The following RNF220 variants were observed in gnomAD, a reference collection of about 807,000 sequenced individuals.
The protein encoded by RNF220 is E3 ubiquitin-protein ligase RNF220.
A neutral mutation model predicts 67.1 loss-of-function variants in RNF220; 7 were observed. The observed-to-expected ratio is 0.10, with a 90% confidence interval of 0.06 to 0.20. The LOEUF (loss-of-function observed/expected upper bound fraction) is 0.20. Ranked by LOEUF, RNF220 falls within the 10% of genes least tolerant of loss-of-function variation. RNF220 has a pLI of 1.00. For missense variants in RNF220, 565 were observed against 740.3 expected (o/e 0.76, Z 2.75); for synonymous variants, 270 against 283.2 (o/e 0.95, Z 0.47).
chr1:44,451,989 C>G (rs374401342), intron 2 of RNF220, among the ~76,000 whole-genome samples: 5 of 152,294 alleles, frequency 3.3e-5, no homozygotes, highest in African/African-American at 1.2e-4. Context: ...GGTATTCCTA[C>G]CCCTTAGAAG....
chr1:44,538,365 G>A lies in RNF220; in HGVS notation c.626-75800G>A, dbSNP rs147355609. On this transcript the variant is annotated intron_variant, in intron 2 of 14. Transcript: ENST00000361799. ...TTCTTGAAACGATCCCCTTGATCCT[G>A]TATTTCCCCTTAAGCTACTCTTGTT... is the stretch of plus-strand genomic sequence containing the variant. Among the ~76,000 whole-genome samples the A allele has an allele frequency of 1.7e-3, 258 of 152,158 alleles. 1 individual carries two copies. The highest frequency in any genetic ancestry group is 2.7e-3 in the South Asian group (13 of 4,822).
intron 2 of RNF220, among the ~76,000 whole-genome samples, chr1:44,464,457 G>A (rs766248179): frequency 2.2e-4 from 33 of 151,994 alleles, no homozygotes; most frequent in Non-Finnish European, 3.2e-4. Context: ...CATTATATCC[G>A]CTAACATTCC....
intron 2 of RNF220, among the ~76,000 whole-genome samples, chr1:44,477,834 C>T (rs1655426585): frequency 6.6e-6 from 1 of 152,196 alleles, no homozygotes. Flanking sequence ...AGTCAAGAAG[C>T]AGGTAAACTT....
chr1:44,433,948 C>T (rs1009943964), intron 2 of RNF220, among the ~76,000 whole-genome samples: 6 of 151,748 alleles, frequency 4.0e-5, no homozygotes, highest in African/African-American at 1.2e-4. Flanking sequence ...GGTGACAGAG[C>T]GAGACTCTGT....
intron 2 of RNF220, among the ~76,000 whole-genome samples, chr1:44,572,121 A>G (rs975858230): frequency 6.6e-6 from 1 of 152,238 alleles, no homozygotes; most frequent in Non-Finnish European, 1.5e-5. Flanking sequence ...GGAGTCAGAG[A>G]TAATATCCAG....
chr1:44,628,169 G>A (rs575011845), intron 5 of RNF220, among the ~76,000 whole-genome samples: 54 of 152,364 alleles, frequency 3.5e-4, no homozygotes, highest in Admixed American at 3.0e-3. Context: ...TTCTGGTCCA[G>A]AGGAATAGAC....
chr1:44,545,817 C>T (rs558102877), intron 2 of RNF220, among the ~76,000 whole-genome samples: 17 of 149,798 alleles, frequency 1.1e-4, no homozygotes, highest in Admixed American at 1.1e-3. Flanking sequence ...AGTGCAATGG[C>T]GCAAACTCGG....
intron 2 of RNF220, among the ~76,000 whole-genome samples, chr1:44,460,028 G>A (rs891025414): frequency 6.6e-6 from 1 of 152,196 alleles, no homozygotes; most frequent in Non-Finnish European, 1.5e-5. Flanking sequence ...GGGATGAACA[G>A]GGAGGGGACG....
chr1:44,405,043 G>T (rs1160962283), upstream of RNF220, among the ~76,000 whole-genome samples: 1 of 152,020 alleles, frequency 6.6e-6, no homozygotes, highest in Non-Finnish European at 1.5e-5. Context: ...AATGGCTCGC[G>T]ACCCCAAGAC....
At chr1:44,537,099 C>T (rs913411743) in intron 2 of RNF220, among the ~76,000 whole-genome samples, 4 of 152,066 alleles carry the variant, frequency 2.6e-5, no homozygotes, top group Non-Finnish European at 5.9e-5. Context: ...GGAAACGGCC[C>T]ATGACAGTGT....
At chr1:44,464,736 C>T (rs1344096691) in intron 2 of RNF220, among the ~76,000 whole-genome samples, 1 of 152,240 alleles carries the variant, frequency 6.6e-6, no homozygotes, top group African/African-American at 2.4e-5. Flanking sequence ...CAAAATCATT[C>T]TCTTACTGAC....
At chr1:44,616,194 T>TTCTAC (rs796670735) in intron 3 of RNF220, among the ~76,000 whole-genome samples, 9 of 152,350 alleles carry the variant, frequency 5.9e-5, no homozygotes, top group African/African-American at 2.2e-4. Flanking sequence ...ACACTGTTGC[T>TTCTAC]TCTACTCTAT....
Position 44,412,699 on chromosome 1 carries a change from G to T in RNF220, c.602G>T (p.Ser201Ile). The change falls in exon 2 of 15, where the codon AGC (serine) becomes ATC (isoleucine). Residue 201 changes from serine (S) to isoleucine (I), a missense_variant. Coordinates refer to ENST00000361799, the MANE Select transcript of RNF220 (RefSeq NM_018150.4). This position sits in a 1 kb window ranked among gnomAD's most constrained non-coding sequence, Gnocchi z 5.3. ...ATTTCTGATCGGGAAGCCTCATCTA[G>T]CCCAGAGGATCGGAATGACAGATGT... ...GLISDREASS[S>I]PEDRNDRCKK... The T allele has an allele frequency of 6.2e-7, 1 of 1,614,084 alleles. No homozygotes were observed. The highest frequency in any genetic ancestry group is 8.5e-7 in the Non-Finnish European group (1 of 1,179,968).
chr1:44,573,005 GA>G, intron 2 of RNF220: 1 of 411,500 alleles, frequency 2.4e-6, no homozygotes, highest in Non-Finnish European at 4.9e-6. Context: ...CCTCAAAGAA[GA>G]AAGCACGCAG....
At chr1:44,520,120 T>TGAGAGA (rs1322052489) in intron 2 of RNF220, among the ~76,000 whole-genome samples, 3 of 141,778 alleles carry the variant, frequency 2.1e-5, no homozygotes, top group African/African-American at 8.1e-5. Flanking sequence ...TGTGTGTGTG[T>TGAGAGA]GTGTGTGTGA....
intron 2 of RNF220, among the ~76,000 whole-genome samples, chr1:44,503,299 A>G (rs541488834): frequency 2.2e-5 from 3 of 138,800 alleles, no homozygotes; most frequent in Admixed American, 8.2e-5. Context: ...GCGCTACTGC[A>G]CTCCAGCCTG....
chr1:44,589,794 T>C (rs1277558371), intron 2 of RNF220, among the ~76,000 whole-genome samples: 1 of 152,096 alleles, frequency 6.6e-6, no homozygotes, highest in Non-Finnish European at 1.5e-5. Flanking sequence ...TCTCTACCAA[T>C]AGTTAATTTA....
intron 2 of RNF220, among the ~76,000 whole-genome samples, chr1:44,592,598 G>C (rs1017486495): frequency 6.6e-6 from 1 of 152,188 alleles, no homozygotes; most frequent in Non-Finnish European, 1.5e-5. Context: ...TTCCCCGCTT[G>C]GGGCAGGAAG....
At position 44,405,492 on chromosome 1, in the gene RNF220, G is replaced by A. The variant is rs909645599; in HGVS notation, c.-156G>A. The A allele has an allele frequency of 4.1e-6, 2 of 490,362 alleles. No homozygotes were observed. Among genetic ancestry groups the A allele is most frequent in the Non-Finnish European group, 3.6e-6 (1 of 276,490 alleles). The allele number at this position is 490,362 out of a possible 1,614,324, so 30.4% of individuals were successfully genotyped here. On this transcript the variant is annotated 5_prime_UTR_variant, in exon 1 of 15. An upstream open reading frame in the 5' UTR loses its in-frame stop. Transcript: ENST00000361799. ...CTCCGCCTGCTTCCCTCCGTGTCCT[G>A]AAAAGTGCGACCGTTCTCCCAAGGA...
Sources: allele counts gnomAD v4.1 joint callset (sites outside exome capture counted in the v4.1 genomes callset), GRCh38; gene constraint gnomAD v4.1.1; non-coding constraint Gnocchi (gnomAD v3.1); transcripts MANE v1.5; gene names NCBI Gene and HGNC (gene_info 2026-07-23, HGNC 2026-07-21).